Variants in CTNNA2 observed in about 807,000 individuals in gnomAD.
The protein encoded by CTNNA2 is catenin alpha-2.
CTNNA2 carries 42 observed loss-of-function variants against 101.0 expected under a neutral mutation model. The ratio of observed to expected loss-of-function variants is 0.42; its 90% CI spans 0.32 to 0.54. CTNNA2 has a LOEUF of 0.54. CTNNA2 is among the 20% of genes least tolerant of loss of function. The probability of loss-of-function intolerance (pLI) is 0.14; values close to 1 mark genes in which losing one functional copy is unlikely to be tolerated. For missense variants in CTNNA2, 871 were observed against 1,223.1 expected, an observed-to-expected ratio of 0.71 and a Z score of 4.29; for synonymous variants, 450 against 456.4, an observed-to-expected ratio of 0.99 and a Z score of 0.18.
intron 2 of CTNNA2, among the ~76,000 whole-genome samples, chr2:79,732,908 A>AAAAACC (rs2104929443): frequency 6.6e-6 from 1 of 152,238 alleles, no homozygotes; most frequent in African/African-American, 2.4e-5. Flanking sequence ...AACAAAAAAC[A>AAAAACC]AAAAACAAAA....
chr2:79,486,502 C>T (rs1184731378), intron 4 of CTNNA2, among the ~76,000 whole-genome samples: 4 of 152,112 alleles, frequency 2.6e-5, no homozygotes, highest in Non-Finnish European at 5.9e-5. Flanking sequence ...GGTTCCAAGT[C>T]TTTACTATTG....
At chr2:80,248,017 ATTTT>A (rs553274292) in intron 7 of CTNNA2, among the ~76,000 whole-genome samples, 1 of 141,536 alleles carries the variant, frequency 7.1e-6, no homozygotes, top group Non-Finnish European at 1.6e-5. Flanking sequence ...TCTTTTCTTT[ATTTT>A]TTTTTTTTTG....
intron 2 of CTNNA2, among the ~76,000 whole-genome samples, chr2:79,292,147 T>G (rs952030788): frequency 1.3e-5 from 2 of 152,194 alleles, no homozygotes; most frequent in Non-Finnish European, 2.9e-5. Flanking sequence ...TTGGTGCCCT[T>G]TAAAAAATTG....
intron 8 of CTNNA2, among the ~76,000 whole-genome samples, chr2:80,395,689 A>G (rs1677947053): frequency 6.6e-6 from 1 of 152,214 alleles, no homozygotes; most frequent in Admixed American, 6.5e-5. Flanking sequence ...AGTGGCTCAG[A>G]GAACGCTAAT....
chr2:80,306,247 G>C (rs955819678), intron 7 of CTNNA2, among the ~76,000 whole-genome samples: 4 of 152,126 alleles, frequency 2.6e-5, no homozygotes, highest in African/African-American at 9.7e-5. Flanking sequence ...GCTGTCTTAG[G>C]AGTTAGAAGA....
intron 6 of CTNNA2, among the ~76,000 whole-genome samples, chr2:79,889,038 T>C (rs559345672): frequency 3.3e-5 from 5 of 152,372 alleles, no homozygotes; most frequent in Admixed American, 1.3e-4. Context: ...GTGTGATTTC[T>C]TATGTTAGTA....
chr2:79,899,005 A>G (rs1216614540), intron 6 of CTNNA2, among the ~76,000 whole-genome samples: 1 of 152,194 alleles, frequency 6.6e-6, no homozygotes, highest in African/African-American at 2.4e-5. Context: ...AAGGAGGAGT[A>G]TGAATAGAAC....
chr2:80,175,558 A>G (rs1705340040), intron 7 of CTNNA2, among the ~76,000 whole-genome samples: 1 of 152,214 alleles, frequency 6.6e-6, no homozygotes, highest in Admixed American at 6.5e-5. Context: ...TATATTTGGA[A>G]CTGTGCTTCC....
chr2:79,234,946 C>T (rs2104244749), intron 2 of CTNNA2, among the ~76,000 whole-genome samples: 1 of 152,202 alleles, frequency 6.6e-6, no homozygotes, highest in African/African-American at 2.4e-5. Flanking sequence ...TTACTGGATT[C>T]CTTGGATTGG....
intron 1 of CTNNA2, among the ~76,000 whole-genome samples, chr2:79,541,556 A>T (rs1232454717): frequency 2.0e-5 from 3 of 151,470 alleles, no homozygotes; most frequent in Non-Finnish European, 2.9e-5. Context: ...TTAGGAGTTG[A>T]TTAATAGGTT....
chr2:79,936,172 T>A (rs1332854426), intron 7 of CTNNA2, among the ~76,000 whole-genome samples: 2 of 152,186 alleles, frequency 1.3e-5, no homozygotes. Context: ...TTCTATTTTT[T>A]TTTTCTTTCT....
chr2:79,728,411 C>T (rs967431045), intron 2 of CTNNA2, among the ~76,000 whole-genome samples: 6 of 152,162 alleles, frequency 3.9e-5, no homozygotes, highest in Non-Finnish European at 8.8e-5. Flanking sequence ...CCTTCACCCA[C>T]TTTTTGATGA....
chr2:79,503,681 C>G (rs187288170), intron 4 of CTNNA2, among the ~76,000 whole-genome samples: 1 of 152,252 alleles, frequency 6.6e-6, no homozygotes, highest in Admixed American at 6.5e-5. Context: ...TACCCTAATA[C>G]ATTAAAGAAA....
intron 7 of CTNNA2, among the ~76,000 whole-genome samples, chr2:80,311,200 T>A (rs1250008650): frequency 6.6e-6 from 1 of 152,184 alleles, no homozygotes; most frequent in Non-Finnish European, 1.5e-5. Flanking sequence ...TGGGCGCCCA[T>A]GCCTTTAAAT....
intron 9 of CTNNA2, among the ~76,000 whole-genome samples, chr2:80,480,283 A>G (rs1332217902): frequency 1.3e-5 from 2 of 152,226 alleles, no homozygotes; most frequent in East Asian, 3.9e-4. Flanking sequence ...GAGAAGGCAC[A>G]GTGTTTTATT....
chr2:80,528,683 AT>A (rs1378866037), intron 9 of CTNNA2, among the ~76,000 whole-genome samples: 3 of 151,986 alleles, frequency 2.0e-5, no homozygotes, highest in African/African-American at 4.8e-5. Context: ...CACCAAAAAA[AT>A]AAATAAATAA....
chr2:80,274,653 CCT>C (rs1673754822), intron 7 of CTNNA2, among the ~76,000 whole-genome samples: 1 of 152,182 alleles, frequency 6.6e-6, no homozygotes, highest in African/African-American at 2.4e-5. Flanking sequence ...TCCACCTCCC[CCT>C]GTTTTCCCAT....
intron 7 of CTNNA2, among the ~76,000 whole-genome samples, chr2:80,317,422 C>T (rs148716762): frequency 1.6e-4 from 24 of 152,256 alleles, no homozygotes; most frequent in African/African-American, 5.5e-4. Context: ...TAAACTTAAG[C>T]TACGTGCCTT....
At position 80,144,197 on chromosome 2, in the gene CTNNA2, G is replaced by A. The variant is rs80163864; in HGVS notation, c.1056+234400G>A. 6.4e-3 allele frequency among the ~76,000 whole-genome samples: 971 copies of A among 152,152 alleles called. 10 individuals are homozygous for A. Among genetic ancestry groups the A allele is most frequent in the African/African-American group, 0.022 (907 of 41,506 alleles). Reference sequence around the variant, plus strand: ...GTGACAGTAGTGATATTAGTGCAGCGGGTTACAGTCCTATCCACATAGAAA... The same window carrying A: ...GTGACAGTAGTGATATTAGTGCAGCAGGTTACAGTCCTATCCACATAGAAA... On this transcript the variant is annotated intron_variant, in intron 7 of 18. Coordinates refer to ENST00000402739, the MANE Select transcript of CTNNA2 (RefSeq NM_001282597.3).
Sources: gnomAD v4.1 joint callset for allele counts (sites outside exome capture counted in the v4.1 genomes callset) on GRCh38, gnomAD v4.1.1 for gene constraint, MANE v1.5 for transcripts, NCBI Gene and HGNC (gene_info 2026-07-23, HGNC 2026-07-21) for gene names.